The following MSRA variants were observed in gnomAD, a reference collection of about 807,000 sequenced individuals.
The protein encoded by MSRA is methionine sulfoxide reductase A.
In MSRA, 54 loss-of-function variants were observed where a neutral mutation model predicts 31.3. The observed-to-expected ratio is 1.73, with a 90% CI of 1.39 to 2.17. The LOEUF (loss-of-function observed/expected upper bound fraction) is 2.17, where lower values mean the gene tolerates loss of function less well. Ranked by LOEUF, MSRA falls within the 30% of genes most tolerant of loss-of-function variation. The probability of loss-of-function intolerance (pLI) is 0.00; values close to 1 mark genes in which losing one functional copy is unlikely to be tolerated. For missense variants in MSRA, 507 were observed against 300.9 expected (o/e 1.69, Z -5.07); for synonymous variants, 169 against 116.5 (o/e 1.45, Z -2.90).
chr8:10,282,765 C>T (rs1210232112), intron 3 of MSRA, among the ~76,000 whole-genome samples: 2 of 152,148 alleles, frequency 1.3e-5, no homozygotes, highest in Admixed American at 6.5e-5. Flanking sequence ...ATATACCTTC[C>T]ACTCTTATCA....
chr8:10,093,892 T>C (rs1798986070), intron 1 of MSRA, among the ~76,000 whole-genome samples: 1 of 152,202 alleles, frequency 6.6e-6, no homozygotes, highest in South Asian at 2.1e-4. Context: ...GAATTCTTGG[T>C]TGACAGTTAT....
chr8:10,119,986 C>A (rs896392435), intron 1 of MSRA, among the ~76,000 whole-genome samples: 11 of 152,134 alleles, frequency 7.2e-5, no homozygotes, highest in African/African-American at 2.2e-4. Flanking sequence ...AAGTATTGAA[C>A]CGTGATATAG....
Position 10,150,602 on chromosome 8 carries a change from C to CA in MSRA, c.143-57223dup, listed in dbSNP as rs970394647. Among the ~76,000 whole-genome samples the CA allele has an allele frequency of 7.2e-5, 11 of 151,854 alleles. No individual in the cohort carries two copies. The East Asian group carries it at 1.2e-3, about 16-fold the overall frequency. On this transcript the variant is annotated intron_variant, in intron 1 of 5. Coordinates refer to ENST00000317173, the MANE Select transcript of MSRA (RefSeq NM_012331.5). The stretch of plus-strand genomic sequence containing the variant: ...ACCTCAAATCTACAGAAACAAACAA[C>CA]AAAAAAAAGCAGCCTCACATAGCAA...
chr8:10,146,541 A>G (rs1803160456), intron 1 of MSRA, among the ~76,000 whole-genome samples: 1 of 152,010 alleles, frequency 6.6e-6, no homozygotes, highest in Admixed American at 6.6e-5. Flanking sequence ...GGAAACTAGG[A>G]GTGGCTGGAT....
chr8:10,147,577 G>T (rs886913768), intron 1 of MSRA, among the ~76,000 whole-genome samples: 4 of 152,216 alleles, frequency 2.6e-5, no homozygotes, highest in African/African-American at 9.6e-5. Flanking sequence ...CAGGGTAGAA[G>T]GGGTCACACA....
intron 5 of MSRA, among the ~76,000 whole-genome samples, chr8:10,421,514 C>T (rs1478399361): frequency 1.3e-5 from 2 of 151,918 alleles, no homozygotes; most frequent in Non-Finnish European, 2.9e-5. Flanking sequence ...AGCGTGTCAC[C>T]TCCATGTAAT....
chr8:10,322,834 C>G (rs113074282), intron 5 of MSRA, among the ~76,000 whole-genome samples: 20,678 of 152,112 alleles, frequency 0.14, 1,516 homozygotes, highest in South Asian at 0.19. Context: ...ACTCACGCCT[C>G]TAATCCCAGC....
At chr8:10,076,363 G>A (rs1266764043) in intron 1 of MSRA, among the ~76,000 whole-genome samples, 4 of 152,306 alleles carry the variant, frequency 2.6e-5, no homozygotes, top group Admixed American at 6.5e-5. Context: ...TGTATGGCAC[G>A]TGGCTAAGCT....
At chr8:10,200,093 G>A (rs536580002) in intron 1 of MSRA, among the ~76,000 whole-genome samples, 85 of 152,180 alleles carry the variant, frequency 5.6e-4, no homozygotes, top group Non-Finnish European at 1.0e-3. Flanking sequence ...GGTTGCCTGG[G>A]GAGGTATGGG....
rs546883668 is a variant in MSRA at position 10,356,314 on chromosome 8, A to G, written c.543+36325A>G. 9.8e-5 allele frequency among the ~76,000 whole-genome samples: 15 copies of G among 152,344 alleles called. No individual in the cohort carries two copies. In the South Asian group the frequency reaches 1.0e-3, roughly 11 times the overall value. ...GTTGTAAAAAAAGACAGATACAGAA[A>G]GCAATATTAAGCAAATGTGTGGCTT... On this transcript the variant is annotated intron_variant, in intron 5 of 5. Transcript: ENST00000317173.
intron 5 of MSRA, among the ~76,000 whole-genome samples, chr8:10,426,645 T>C (rs956945007): frequency 1.3e-5 from 2 of 152,230 alleles, no homozygotes; most frequent in African/African-American, 2.4e-5. Context: ...CTGCGAGCTT[T>C]CCGCCTGTGC....
chr8:10,387,413 A>G (rs761193246), intron 5 of MSRA, among the ~76,000 whole-genome samples: 48 of 152,202 alleles, frequency 3.2e-4, no homozygotes, highest in African/African-American at 6.5e-4. Context: ...TTAATGTGCA[A>G]TTGTGCACGG....
At chr8:10,414,978 T>C (rs1808369760) in intron 5 of MSRA, among the ~76,000 whole-genome samples, 1 of 151,922 alleles carries the variant, frequency 6.6e-6, no homozygotes, top group Non-Finnish European at 1.5e-5. Flanking sequence ...AGAGGAAAAG[T>C]CACTTGAATT....
chr8:10,148,801 CA>C (rs372289649), intron 1 of MSRA, among the ~76,000 whole-genome samples: 3,294 of 89,006 alleles, frequency 0.037, 35 homozygotes, highest in African/African-American at 0.054. Flanking sequence ...GACCCTGTCG[CA>C]AAAAAAAAAA....
rs556633771 is a variant in MSRA, at chr8:10,074,238, A to G, written c.142+19580A>G. Among the ~76,000 whole-genome samples, 439 of 151,420 alleles carry G rather than the reference A, an allele frequency of 2.9e-3. 3 individuals are homozygous for G. The highest frequency in any genetic ancestry group is 4.5e-3 in the Admixed American group (68 of 15,206). ...CCTGGGACTACATGCACCCGCCACC[A>G]TGCCCAGCTAATTTTTTGTATTTTT... On this transcript the variant is annotated intron_variant, in intron 1 of 5. Transcript: ENST00000317173.
At chr8:10,079,698 T>C (rs1489978174) in intron 1 of MSRA, among the ~76,000 whole-genome samples, 1 of 152,178 alleles carries the variant, frequency 6.6e-6, no homozygotes, top group Non-Finnish European at 1.5e-5. Context: ...TGCTAAGCAT[T>C]ACAGCGCTCT....
intron 1 of MSRA, among the ~76,000 whole-genome samples, chr8:10,109,765 A>G (rs1800147724): frequency 6.6e-6 from 1 of 152,224 alleles, no homozygotes; most frequent in Non-Finnish European, 1.5e-5. Flanking sequence ...TTTAATGAGG[A>G]GATGAAGTCA....
intron 1 of MSRA, among the ~76,000 whole-genome samples, chr8:10,185,267 G>A (rs2705262): frequency 6.6e-6 from 1 of 152,190 alleles, no homozygotes; most frequent in Non-Finnish European, 1.5e-5. Context: ...GCAGTCATTA[G>A]AATTCATTAT....
intron 1 of MSRA, among the ~76,000 whole-genome samples, chr8:10,086,439 A>G (rs999358051): frequency 6.6e-6 from 1 of 152,228 alleles, no homozygotes; most frequent in Non-Finnish European, 1.5e-5. Context: ...GAGGGCACCT[A>G]TGTTAATTCC....
Sources: allele counts gnomAD v4.1 joint callset (sites outside exome capture counted in the v4.1 genomes callset), GRCh38; gene constraint gnomAD v4.1.1; transcripts MANE v1.5; gene names NCBI Gene and HGNC (gene_info 2026-07-23, HGNC 2026-07-21).